HEXB: variants seen among roughly 807,000 people sequenced by gnomAD.
HEXB encodes beta-hexosaminidase subunit beta.
Under a neutral mutation model 71.2 loss-of-function variants are expected in HEXB, and 51 were observed. The observed-to-expected ratio is 0.72, with a 90% confidence interval of 0.57 to 0.90. The LOEUF (loss-of-function observed/expected upper bound fraction) is 0.90. HEXB is among the 40% of genes least tolerant of loss of function. The pLI, the probability that HEXB is intolerant of heterozygous loss-of-function variation, is 0.00. For missense variants in HEXB, 617 were observed against 677.0 expected (o/e 0.91, Z 0.98); for synonymous variants, 266 against 249.3 (o/e 1.07, Z -0.63).
rs1488729892 is a variant in HEXB, at chr5:74,689,352, C to T, written c.324C>T (p.Phe108=). 6.2e-7 allele frequency: 1 copy of T among 1,613,228 alleles called. No individual in the cohort carries two copies. Among genetic ancestry groups the T allele is most frequent in the Admixed American group, 1.7e-5 (1 of 60,026 alleles). ...FRRYHGYIFG[F]YKWHHEPAEF... The stretch of plus-strand genomic sequence containing the variant: ...GATATCATGGCTATATTTTTGGTTT[C>T]TACAAGTGGCATCATGAACCTGCTG... Residue 108 remains phenylalanine (F), a synonymous_variant, in exon 2 of 14, where the codon TTC becomes TTT. Transcript: ENST00000261416.
upstream of HEXB, among the ~76,000 whole-genome samples, chr5:74,682,377 A>T (rs139303758): frequency 6.8e-3 from 1,030 of 152,176 alleles, 11 homozygotes; most frequent in East Asian, 0.028. Context: ...AAAACAAAAC[A>T]AAAAAAAGAA....
At chr5:74,663,194 G>T (rs942393745) in intron 1 of HEXB, among the ~76,000 whole-genome samples, 4 of 129,982 alleles carry the variant, frequency 3.1e-5, no homozygotes, top group African/African-American at 1.1e-4. Flanking sequence ...TTTTTTTTGG[G>T]GGGGTGGAGT....
At chr5:74,661,565 C>G (rs139336334) in intron 1 of HEXB, among the ~76,000 whole-genome samples, 55 of 139,594 alleles carry the variant, frequency 3.9e-4, no homozygotes, top group East Asian at 2.0e-3. Context: ...GTGTGTGTGT[C>G]TCTCTCTCTC....
At chr5:74,666,968 C>T (rs561326421) in intron 1 of HEXB, among the ~76,000 whole-genome samples, 2 of 152,180 alleles carry the variant, frequency 1.3e-5, no homozygotes, top group African/African-American at 4.8e-5. Context: ...TTCTATGTTG[C>T]TATTTTTGTA....
chr5:74,658,127 G>A (rs933527533), intron 1 of HEXB, among the ~76,000 whole-genome samples: 1 of 152,190 alleles, frequency 6.6e-6, no homozygotes, highest in Non-Finnish European at 1.5e-5. Context: ...ATGTCTGTGA[G>A]CTTTGGGAAC....
chr5:74,700,322 TA>T (rs1250394924), intron 5 of HEXB, among the ~76,000 whole-genome samples: 1 of 152,080 alleles, frequency 6.6e-6, no homozygotes, highest in Non-Finnish European at 1.5e-5. Context: ...GTTTATTTTC[TA>T]TGTTTATTTT....
At chr5:74,674,111 T>C (rs1748587343) in intron 1 of HEXB, among the ~76,000 whole-genome samples, 1 of 152,194 alleles carries the variant, frequency 6.6e-6, no homozygotes, top group African/African-American at 2.4e-5. Context: ...AATTACAACA[T>C]TATTATTCAT....
intron 1 of HEXB, among the ~76,000 whole-genome samples, chr5:74,642,156 T>C (rs1561197553): frequency 6.6e-6 from 1 of 152,376 alleles, no homozygotes; most frequent in East Asian, 1.9e-4. Context: ...TGTTCCTTCC[T>C]GGTATTTGCG....
chr5:74,665,069 A>G (rs1223210998), intron 1 of HEXB, among the ~76,000 whole-genome samples: 2 of 152,270 alleles, frequency 1.3e-5, no homozygotes, highest in Admixed American at 6.5e-5. Flanking sequence ...TCACATAAAG[A>G]TATTTATCAC....
intron 3 of HEXB, 115 bp from the exon 4 acceptor site, chr5:74,696,578 C>T: frequency 1.5e-6 from 1 of 655,162 alleles, no homozygotes; most frequent in Admixed American, 2.3e-5. Flanking sequence ...AGAGGTATAA[C>T]ACTATATTCA....
intron 1 of HEXB, among the ~76,000 whole-genome samples, chr5:74,657,729 G>C (rs1325053190): frequency 6.6e-6 from 1 of 152,214 alleles, no homozygotes; most frequent in African/African-American, 2.4e-5. Context: ...CTTGACGCTT[G>C]TTATTTGTGT....
intron 11 of HEXB, among the ~76,000 whole-genome samples, chr5:74,719,630 C>T (rs1011019856): frequency 5.9e-5 from 9 of 152,090 alleles, no homozygotes; most frequent in African/African-American, 1.4e-4. Context: ...GACCAAAAAG[C>T]GATAATTACT....
chr5:74,656,487 A>AAATAAAATAAAAT (rs1748220533), intron 1 of HEXB, among the ~76,000 whole-genome samples: 1 of 8,058 alleles, frequency 1.2e-4, no homozygotes, highest in East Asian at 4.1e-3. Context: ...TCAAAAAATA[A>AAATAAAATAAAAT]AATAAAATAA....
chr5:74,685,365 G>A lies in HEXB; in HGVS notation c.105G>A (p.Leu35=), dbSNP rs1748836406. The A allele has an allele frequency of 6.3e-7, 1 of 1,588,108 alleles. No homozygotes were observed. The highest frequency in any genetic ancestry group is 2.3e-5 in the East Asian group (1 of 43,022). The change falls in exon 1 of 14, where the codon CTG becomes CTA. Residue 35 remains leucine, a synonymous_variant. Transcript: ENST00000261416. ...AMLALLTQVA[L]VVQVAEAARA... is the part of the protein sequence containing the mutation. ...TGGCGCTGCTGACTCAGGTGGCGCT[G>A]GTGGTGCAGGTGGCGGAGGCGGCTC...
intron 5 of HEXB, among the ~76,000 whole-genome samples, chr5:74,701,963 A>G (rs1167659190): frequency 1.3e-5 from 2 of 151,760 alleles, no homozygotes; most frequent in East Asian, 1.9e-4. Context: ...GATTGTTCCA[A>G]CAATGTCTTT....
At chr5:74,717,976 T>G (rs1749717739) in intron 9 of HEXB, among the ~76,000 whole-genome samples, 1 of 152,178 alleles carries the variant, frequency 6.6e-6, no homozygotes, top group African/African-American at 2.4e-5. Context: ...TTGTAAGAGA[T>G]TGCTGTTTGT....
intron 5 of HEXB, among the ~76,000 whole-genome samples, chr5:74,703,230 G>A (rs1446673920): frequency 6.6e-6 from 1 of 152,230 alleles, no homozygotes; most frequent in Non-Finnish European, 1.5e-5. Context: ...TGGGATTACA[G>A]GCGTGAGCCA....
intron 2 of HEXB, among the ~76,000 whole-genome samples, chr5:74,690,998 C>A (rs1184958612): frequency 6.6e-6 from 1 of 152,106 alleles, no homozygotes; most frequent in African/African-American, 2.4e-5. Context: ...CTTTGCTGTC[C>A]ATTGGCAATA....
At chr5:74,713,759 G>A in intron 7 of HEXB, 124 bp downstream of exon 7, 1 of 762,362 alleles carries the variant, frequency 1.3e-6, no homozygotes, top group South Asian at 1.5e-5. Flanking sequence ...CACCTCCCAG[G>A]ATCAAGCGAT....
Sources: allele counts gnomAD v4.1 joint callset (sites outside exome capture counted in the v4.1 genomes callset), GRCh38; gene constraint gnomAD v4.1.1; transcripts MANE v1.5; gene names NCBI Gene and HGNC (gene_info 2026-07-23, HGNC 2026-07-21).